SLC6A9: variants seen among roughly 807,000 people sequenced by gnomAD.
SLC6A9 encodes solute carrier family 6 member 9.
In SLC6A9, 31 loss-of-function variants were observed where a neutral mutation model predicts 70.9. That is an observed-to-expected ratio of 0.44 (90% CI 0.33 to 0.59). The LOEUF is 0.59. SLC6A9 is among the 20% of genes least tolerant of loss of function. The pLI is 0.04. For missense variants in SLC6A9, 631 were observed against 845.2 expected (o/e 0.75, Z 3.14); for synonymous variants, 310 against 341.3 (o/e 0.91, Z 1.01).
intron 11 of SLC6A9, 28 bp from the exon 12 acceptor site, chr1:44,000,895 G>A (rs112411017): frequency 1.7e-5 from 27 of 1,593,026 alleles, no homozygotes; most frequent in African/African-American, 8.1e-5. Flanking sequence ...CAGCAGACCC[G>A]CAGGACAGAG....
intron 4 of SLC6A9, among the ~76,000 whole-genome samples, chr1:44,008,958 G>T (rs1373819148): frequency 6.7e-6 from 1 of 149,898 alleles, no homozygotes; most frequent in Non-Finnish European, 1.5e-5. Flanking sequence ...CTGACCTCGT[G>T]ATCCGCCTGC....
intron 5 of SLC6A9, among the ~76,000 whole-genome samples, chr1:44,007,546 C>T (rs1434436967): frequency 6.6e-6 from 1 of 152,192 alleles, no homozygotes; most frequent in Non-Finnish European, 1.5e-5. Flanking sequence ...ATCACGGCAC[C>T]CCCGGCTCAG....
intron 1 of SLC6A9, among the ~76,000 whole-genome samples, chr1:44,025,588 T>G (rs2086968296): frequency 6.6e-6 from 1 of 151,602 alleles, no homozygotes; most frequent in African/African-American, 2.4e-5. Context: ...TTACCTGAGC[T>G]CAGGAGTTTG....
chr1:44,004,256 A>G (rs555651696), intron 5 of SLC6A9, among the ~76,000 whole-genome samples: 17 of 152,240 alleles, frequency 1.1e-4, no homozygotes, highest in Admixed American at 3.9e-4. Context: ...TCAGCCTCCC[A>G]AAGTGCTGGG....
chr1:44,011,690 G>A, intron 2 of SLC6A9: 2 of 1,614,112 alleles, frequency 1.2e-6, no homozygotes, highest in Middle Eastern at 1.6e-4. Context: ...AGGGTGGCAG[G>A]AAGAAGGATC....
chr1:44,014,142 C>T (rs968316102), intron 2 of SLC6A9, among the ~76,000 whole-genome samples: 2 of 152,108 alleles, frequency 1.3e-5, no homozygotes, highest in African/African-American at 4.8e-5. Flanking sequence ...CCATCTGCCC[C>T]CCTCTGCTCA....
intron 12 of SLC6A9, among the ~76,000 whole-genome samples, chr1:43,999,143 C>G (rs1466940193): frequency 6.6e-6 from 1 of 152,110 alleles, no homozygotes; most frequent in Non-Finnish European, 1.5e-5. Flanking sequence ...GGAACAGATC[C>G]TGACCTACGT....
intron 2 of SLC6A9, among the ~76,000 whole-genome samples, chr1:44,021,035 G>T (rs1180956167): frequency 6.6e-6 from 1 of 152,238 alleles, no homozygotes; most frequent in Non-Finnish European, 1.5e-5. Flanking sequence ...CTAGGGAGGG[G>T]ACTGAGGTGG....
intron 2 of SLC6A9, among the ~76,000 whole-genome samples, chr1:44,014,411 C>A (rs1323811508): frequency 6.6e-6 from 1 of 151,938 alleles, no homozygotes; most frequent in Non-Finnish European, 1.5e-5. Flanking sequence ...GGAGGCTTTC[C>A]TTCCATGGCG....
In SLC6A9 at chr1:44,002,426, A is replaced by G. The variant is rs376444778; in HGVS notation, c.859-10T>C. ...CAGCATCACCCCACACCTGCAGGGA[A>G]GGACCGGTGGGTGAGGAGCTGTGGG... On this transcript the variant is annotated splice_polypyrimidine_tract_variant and intron_variant, in intron 7 of 13. Coordinates refer to ENST00000372310, the MANE Select transcript of SLC6A9 (RefSeq NM_001024845.3). The surrounding 1 kb of genome is among the most constrained non-coding windows in gnomAD (Gnocchi z 5.5). 4.6e-5 allele frequency: 75 copies of G among 1,613,642 alleles called. 1 individual carries two copies. In the African/African-American group the frequency reaches 8.5e-4, roughly 18 times the overall value.
chr1:44,014,049 C>T lies in SLC6A9; in HGVS notation c.31-3167G>A, dbSNP rs558826064. 4.6e-5 allele frequency among the ~76,000 whole-genome samples: 7 copies of T among 152,294 alleles called. No homozygotes were observed. The South Asian group carries it at 1.5e-3, about 32-fold the overall frequency. ...CTTTGTGCTCACGATTTGACTCAGA[C>T]TGGCTGCCCGTCTGCCTGAGCCAGC... On this transcript the variant is annotated intron_variant, in intron 2 of 13. Transcript: ENST00000372310.
chr1:44,005,534 A>T (rs2086277523), intron 5 of SLC6A9, among the ~76,000 whole-genome samples: 1 of 152,222 alleles, frequency 6.6e-6, no homozygotes, highest in Admixed American at 6.5e-5. Context: ...CCAAAGGGTC[A>T]TTGGAGAGTG....
chr1:44,015,688 A>G (rs901218305), intron 2 of SLC6A9, among the ~76,000 whole-genome samples: 4 of 152,230 alleles, frequency 2.6e-5, no homozygotes, highest in African/African-American at 9.6e-5. Flanking sequence ...CTATCAGTGC[A>G]GGGCCCAGCC....
intron 8 of SLC6A9, 63 bp from the exon 9 acceptor site, chr1:44,001,690 G>A: frequency 7.6e-7 from 1 of 1,316,892 alleles, no homozygotes. Flanking sequence ...AGGAGACATG[G>A]AGACACGGAA....
chr1:43,998,982 A>ATG (rs141440577), intron 12 of SLC6A9, among the ~76,000 whole-genome samples: 1 of 134,578 alleles, frequency 7.4e-6, no homozygotes, highest in Non-Finnish European at 1.6e-5. Context: ...TGGCGGGGGA[A>ATG]GGGGGGGGGC....
intron 2 of SLC6A9, among the ~76,000 whole-genome samples, chr1:44,014,268 C>T (rs910726995): frequency 6.6e-6 from 1 of 152,166 alleles, no homozygotes; most frequent in Non-Finnish European, 1.5e-5. Context: ...CCCTGTCACC[C>T]TTCCTGGCAG....
At chr1:44,028,685 A>G (rs12034080) in intron 1 of SLC6A9, among the ~76,000 whole-genome samples, 1 of 152,220 alleles carries the variant, frequency 6.6e-6, no homozygotes, top group East Asian at 1.9e-4. Flanking sequence ...AACTTGGGAG[A>G]CAGAGGTTGC....
chr1:44,019,527 C>G (rs969686222), intron 2 of SLC6A9, among the ~76,000 whole-genome samples: 1 of 152,286 alleles, frequency 6.6e-6, no homozygotes, highest in African/African-American at 2.4e-5. Flanking sequence ...AAGGTCCCGT[C>G]ACCCATGATG....
Position 43,997,159 on chromosome 1 carries a change from G to A in SLC6A9, c.*386C>T, listed in dbSNP as rs1376430567. 4.3e-6 allele frequency: 1 copy of A among 232,108 alleles called. No homozygotes were observed. The highest frequency in any genetic ancestry group is 6.5e-5 in the South Asian group (1 of 15,312). 14.4% of individuals were successfully genotyped at this position (232,108 alleles called of 1,614,324 possible). A position where few individuals can be genotyped will look rare whatever the true frequency, so the allele number is the denominator to read the frequency against. The stretch of plus-strand genomic sequence containing the variant: ...CCAAATGTGCCTGGCAGAGGCTGGG[G>A]TCGGCTCTGAGGGCAGGAGCACTAG... On this transcript the variant is annotated 3_prime_UTR_variant, in exon 14 of 14. Coordinates refer to ENST00000372310, the MANE Select transcript of SLC6A9 (RefSeq NM_001024845.3). This position sits in a 1 kb window ranked among gnomAD's most constrained non-coding sequence, Gnocchi z 4.4.
Sources: allele counts gnomAD v4.1 joint callset (sites outside exome capture counted in the v4.1 genomes callset), GRCh38; gene constraint gnomAD v4.1.1; non-coding constraint Gnocchi (gnomAD v3.1); transcripts MANE v1.5; gene names NCBI Gene and HGNC (gene_info 2026-07-23, HGNC 2026-07-21).